Variants in AHRR observed in about 807,000 individuals in gnomAD.
AHRR encodes the protein aryl hydrocarbon receptor repressor.
A neutral mutation model predicts 44.0 loss-of-function variants in AHRR; 28 were observed. The observed-to-expected ratio is 0.64, with a 90% CI of 0.47 to 0.87. The LOEUF is 0.87. AHRR is among the 40% of genes least tolerant of loss of function. AHRR has a pLI of 0.00. For missense variants in AHRR, 990 were observed against 953.9 expected, an observed-to-expected ratio of 1.04 and a Z score of -0.50; for synonymous variants, 434 against 407.0, an observed-to-expected ratio of 1.07 and a Z score of -0.80.
At chr5:424,221 G>T (rs1475868617) in intron 7 of AHRR, among the ~76,000 whole-genome samples, 68 of 138,056 alleles carry the variant, frequency 4.9e-4, no homozygotes, top group Admixed American at 9.7e-4. Flanking sequence ...GTGTGGGGGT[G>T]TTAACCCATG....
In AHRR at chr5:388,390, AG is replaced by A. The variant is rs1260449886; in HGVS notation, c.351+11677del. On this transcript the variant is annotated intron_variant, in intron 4 of 10. Transcript: ENST00000684583. The surrounding 1 kb of genome is among the most constrained non-coding windows in gnomAD (Gnocchi z 5.2). ...CAGCCATCCATCGATGGCTATGGGG[AG>A]GGTACCTGCCATTACCTCTGTTTAT... 2.6e-5 allele frequency among the ~76,000 whole-genome samples: 4 copies of A among 152,108 alleles called. No homozygotes were observed. Among genetic ancestry groups the A allele is most frequent in the Non-Finnish European group, 5.9e-5 (4 of 67,990 alleles).
At position 433,099 on chromosome 5, in the gene AHRR, G is replaced by T. The variant is rs554465619; in HGVS notation, c.1112+152G>T. On this transcript the variant is annotated intron_variant, in intron 10 of 10. Coordinates refer to ENST00000684583, the MANE Select transcript of AHRR (RefSeq NM_001377236.1). ...CGAGCCACAGCTAACCTTACTCTCT[G>T]TGGAGCTGTCCACACAGCTTCCCGG... The T allele has an allele frequency of 4.5e-5, 46 of 1,029,910 alleles. No individual in the cohort carries two copies. The African/African-American group carries it at 6.2e-4, about 14-fold the overall frequency. 63.8% of individuals were successfully genotyped at this position (1,029,910 alleles called of 1,614,324 possible).
At chr5:413,202 A>T (rs999501046) in intron 4 of AHRR, 142 bp from the exon 5 acceptor site, 24 of 536,176 alleles carry the variant, frequency 4.5e-5, no homozygotes, top group Non-Finnish European at 6.8e-5. Context: ...GGTAATAAAT[A>T]AAAAGTGGGC....
chr5:351,500 A>G (rs10069360), intron 2 of AHRR, among the ~76,000 whole-genome samples: 6,419 of 152,328 alleles, frequency 0.042, 184 homozygotes, highest in South Asian at 0.06. Flanking sequence ...GAAGCCGGCC[A>G]CAGAAGGCCA....
intron 1 of AHRR, among the ~76,000 whole-genome samples, chr5:330,647 A>G (rs529045499): frequency 2.0e-5 from 3 of 151,988 alleles, no homozygotes; most frequent in Admixed American, 2.0e-4. Context: ...GTGGGATTAC[A>G]GTGTGAGCCA....
intron 2 of AHRR, 114 bp from the exon 3 acceptor site, chr5:353,616 C>A (rs543124309): frequency 2.1e-6 from 2 of 971,658 alleles, no homozygotes; most frequent in Non-Finnish European, 3.0e-6. Context: ...CGTCTTTTGT[C>A]CTGGCAGCAG....
intron 1 of AHRR, among the ~76,000 whole-genome samples, chr5:325,518 T>G (rs1741675556): frequency 6.6e-6 from 1 of 152,130 alleles, no homozygotes; most frequent in Non-Finnish European, 1.5e-5. Flanking sequence ...GTGCCCAACC[T>G]GGTTTCTGGG....
chr5:367,988 G>A (rs1160946481), intron 3 of AHRR: 8 of 698,874 alleles, frequency 1.1e-5, no homozygotes, highest in Non-Finnish European at 1.8e-5. Context: ...CTGTAGTGAT[G>A]TGTGAGGACA....
At chr5:351,693 T>C (rs535369333) in intron 2 of AHRR, among the ~76,000 whole-genome samples, 2 of 152,220 alleles carry the variant, frequency 1.3e-5, no homozygotes, top group Non-Finnish European at 2.9e-5. Flanking sequence ...CTAAGTGACA[T>C]TGAACTGTTC....
intron 4 of AHRR, among the ~76,000 whole-genome samples, chr5:398,157 A>G: frequency 1.6e-5 from 2 of 121,734 alleles, no homozygotes; most frequent in African/African-American, 8.1e-5. Context: ...CTGACCATCC[A>G]CGTAGCCCCT....
In AHRR at chr5:378,216, C is replaced by T. The variant is rs534035536; in HGVS notation, c.351+1500C>T. ...AAGCAACAACAGCAGCAAATCCCAG[C>T]TTTTATTTCTAATCTTCAATCTCTT... is the stretch of plus-strand genomic sequence containing the variant. On this transcript the variant is annotated intron_variant, in intron 4 of 10. Coordinates refer to ENST00000684583, the MANE Select transcript of AHRR (RefSeq NM_001377236.1). Among the ~76,000 whole-genome samples the T allele has an allele frequency of 4.6e-5, 7 of 152,306 alleles. 1 individual carries two copies. The South Asian group carries it at 1.4e-3, about 32-fold the overall frequency.
chr5:407,997 A>G (rs527307779), intron 4 of AHRR, among the ~76,000 whole-genome samples: 9 of 152,322 alleles, frequency 5.9e-5, no homozygotes, highest in African/African-American at 1.9e-4. Flanking sequence ...GTCCGATACC[A>G]TGGGAGGGAG....
In AHRR at chr5:422,633, CAAGTG is replaced by C. The variant is rs1736181134; in HGVS notation, c.442-95_442-91del. ...TCCCTGTGGCTGTGACTTGCTTTGA[CAAGTG>C]GAGTGGAAATTTTTCGGTTACTCGT... On this transcript the variant is annotated intron_variant, in intron 5 of 10. Transcript: ENST00000684583. 3.9e-5 allele frequency: 60 copies of C among 1,542,614 alleles called. No individual in the cohort carries two copies. In the South Asian group the frequency reaches 6.5e-4, roughly 17 times the overall value.
At chr5:325,827 G>A (rs933498673) in intron 1 of AHRR, among the ~76,000 whole-genome samples, 6 of 152,110 alleles carry the variant, frequency 3.9e-5, no homozygotes. Flanking sequence ...TTGTTGCCCA[G>A]GCTGGAGTGC....
In AHRR at chr5:435,367, G is replaced by C. The variant is rs1467176414; in HGVS notation, c.*533G>C. 6.3e-6 allele frequency: 1 copy of C among 159,052 alleles called. No individual in the cohort carries two copies. Among genetic ancestry groups the C allele is most frequent in the African/African-American group, 2.4e-5 (1 of 41,604 alleles). 9.9% of individuals were successfully genotyped at this position (159,052 alleles called of 1,614,324 possible). On this transcript the variant is annotated 3_prime_UTR_variant, in exon 11 of 11. Coordinates refer to ENST00000684583, the MANE Select transcript of AHRR (RefSeq NM_001377236.1). ...CAGCCCATCGCCACAGTGCACTGTA[G>C]AGGCCAGCACACGGCAAATTAGAAA...
At chr5:330,162 A>AT (rs1414940784) in intron 1 of AHRR, among the ~76,000 whole-genome samples, 1 of 151,946 alleles carries the variant, frequency 6.6e-6, no homozygotes, top group Non-Finnish European at 1.5e-5. Context: ...TTTTTTGAGG[A>AT]TTTTTATCAT....
At chr5:375,701 T>G (rs1743758352) in intron 3 of AHRR, among the ~76,000 whole-genome samples, 1 of 152,192 alleles carries the variant, frequency 6.6e-6, no homozygotes, top group South Asian at 2.1e-4. Context: ...TGGGGTGCGC[T>G]TTGGTCCACG....
At chr5:344,307 C>G (rs1252721094) in intron 2 of AHRR, among the ~76,000 whole-genome samples, 2 of 150,574 alleles carry the variant, frequency 1.3e-5, no homozygotes, top group East Asian at 4.1e-4. Context: ...GCTCCGCAGG[C>G]GAGACCGCCA....
In AHRR at chr5:364,876, T is replaced by C. The variant is rs2126415406; in HGVS notation, c.244+10965T>C. Among the ~76,000 whole-genome samples the C allele has an allele frequency of 1.3e-5, 2 of 152,142 alleles. 1 individual carries two copies. The highest frequency in any genetic ancestry group is 4.1e-4 in the South Asian group (2 of 4,830). ...TAATGTAAAAAAATTGATTTTGGGG[T>C]AAAAAGCATCACTGGAGATAGAGAG... On this transcript the variant is annotated intron_variant, in intron 3 of 10. Coordinates refer to ENST00000684583, the MANE Select transcript of AHRR (RefSeq NM_001377236.1).
Sources: allele counts gnomAD v4.1 joint callset (sites outside exome capture counted in the v4.1 genomes callset), GRCh38; gene constraint gnomAD v4.1.1; non-coding constraint Gnocchi (gnomAD v3.1); transcripts MANE v1.5; gene names NCBI Gene and HGNC (gene_info 2026-07-23, HGNC 2026-07-21).